The following PRKCB variants were observed in gnomAD, a reference collection of about 807,000 sequenced individuals.
PRKCB encodes protein kinase C beta.
In PRKCB, 13 loss-of-function variants were observed where a neutral mutation model predicts 81.5. The ratio of observed to expected loss-of-function variants is 0.16; its 90% CI spans 0.10 to 0.25. The LOEUF (loss-of-function observed/expected upper bound fraction) is 0.25. Among genes scored for constraint, PRKCB ranks in the 10% least tolerant of loss-of-function variants. PRKCB has a pLI of 1.00. For synonymous variants in PRKCB, 335 were observed against 321.4 expected (o/e 1.04, Z -0.45); for missense variants, 509 against 875.7 (o/e 0.58, Z 5.29).
chr16:24,101,613 G>T (rs1031890529), intron 7 of PRKCB, among the ~76,000 whole-genome samples: 12 of 152,258 alleles, frequency 7.9e-5, no homozygotes, highest in East Asian at 7.7e-4. Context: ...AGTTAGCTTG[G>T]CCTAGGCCCA....
chr16:23,860,450 A>G (rs2141089844), intron 2 of PRKCB, among the ~76,000 whole-genome samples: 1 of 152,320 alleles, frequency 6.6e-6, no homozygotes, highest in African/African-American at 2.4e-5. Context: ...AGTCATGAGA[A>G]GTCAGGGATA....
intron 2 of PRKCB, among the ~76,000 whole-genome samples, chr16:23,857,586 G>T (rs1250598553): frequency 6.6e-6 from 1 of 152,140 alleles, no homozygotes; most frequent in Non-Finnish European, 1.5e-5. Context: ...CCTTCTGGCC[G>T]TCTCTGATTT....
At chr16:23,933,529 T>A (rs1290487885) in intron 2 of PRKCB, among the ~76,000 whole-genome samples, 1 of 152,158 alleles carries the variant, frequency 6.6e-6, no homozygotes, top group African/African-American at 2.4e-5. Context: ...TTGGGGAAGA[T>A]AATATTTTAA....
chr16:23,938,385 A>C (rs1281682488), intron 2 of PRKCB, among the ~76,000 whole-genome samples: 2 of 152,246 alleles, frequency 1.3e-5, no homozygotes, highest in Non-Finnish European at 1.5e-5. Context: ...GATTGAGAGC[A>C]GATCCAAAAT....
At chr16:24,089,770 G>GTC (rs71381637) in intron 5 of PRKCB, among the ~76,000 whole-genome samples, 28 of 149,354 alleles carry the variant, frequency 1.9e-4, no homozygotes, top group East Asian at 7.8e-4. Context: ...GTGAGACCTT[G>GTC]TCTCTCTCTC....
chr16:24,168,817 G>A (rs1967393634), intron 10 of PRKCB, among the ~76,000 whole-genome samples: 1 of 147,838 alleles, frequency 6.8e-6, no homozygotes, highest in Non-Finnish European at 1.5e-5. Context: ...TCTCGGCCCT[G>A]CCAAAGTTCT....
intron 16 of PRKCB, among the ~76,000 whole-genome samples, chr16:24,205,729 A>G (rs1968036829): frequency 6.6e-6 from 1 of 152,208 alleles, no homozygotes; most frequent in Non-Finnish European, 1.5e-5. Context: ...TGGGTTCTAG[A>G]AACGCAGTGG....
chr16:23,913,204 G>A (rs1453510741), intron 2 of PRKCB, among the ~76,000 whole-genome samples: 1 of 152,056 alleles, frequency 6.6e-6, no homozygotes, highest in African/African-American at 2.4e-5. Flanking sequence ...CAGGTGTACC[G>A]AGAGGCAAGA....
chr16:24,055,900 C>A (rs914359043), intron 5 of PRKCB, among the ~76,000 whole-genome samples: 1 of 152,142 alleles, frequency 6.6e-6, no homozygotes, highest in South Asian at 2.1e-4. Flanking sequence ...GTGCCAGACA[C>A]AGTGCTGGGC....
chr16:23,881,965 C>CCTTTCTCT (rs1963115674), intron 2 of PRKCB, among the ~76,000 whole-genome samples: 1 of 70,102 alleles, frequency 1.4e-5, no homozygotes, highest in African/African-American at 4.4e-5. Context: ...TTTTTCTTTT[C>CCTTTCTCT]CTTTCTTTCT....
chr16:24,036,688 T>C (rs1021424056), intron 5 of PRKCB, among the ~76,000 whole-genome samples: 1 of 152,120 alleles, frequency 6.6e-6, no homozygotes. Flanking sequence ...TTTTAGAAAA[T>C]GTGCAATCCA....
chr16:24,207,838 A>G (rs114303965), intron 16 of PRKCB, among the ~76,000 whole-genome samples: 1,870 of 152,292 alleles, frequency 0.012, 33 homozygotes, highest in African/African-American at 0.042. Flanking sequence ...GAAGGAGTGG[A>G]AGGCAAGTGT....
At chr16:24,150,437 A>T (rs1335217413) in intron 9 of PRKCB, among the ~76,000 whole-genome samples, 3 of 152,164 alleles carry the variant, frequency 2.0e-5, no homozygotes, top group African/African-American at 7.2e-5. Context: ...CCTAATTCAA[A>T]TTCTTGGGAG....
intron 2 of PRKCB, among the ~76,000 whole-genome samples, chr16:23,986,000 G>T (rs1396218712): frequency 6.6e-6 from 1 of 152,036 alleles, no homozygotes; most frequent in Non-Finnish European, 1.5e-5. Flanking sequence ...TGGGACAATT[G>T]GTTACCTCTT....
At chr16:24,112,467 G>T (rs1460171045) in intron 7 of PRKCB, among the ~76,000 whole-genome samples, 2 of 152,158 alleles carry the variant, frequency 1.3e-5, no homozygotes, top group African/African-American at 4.8e-5. Context: ...GAACCCAGGA[G>T]CTCGAGGCTT....
intron 9 of PRKCB, among the ~76,000 whole-genome samples, chr16:24,130,247 G>A (rs1323685383): frequency 6.6e-6 from 1 of 152,018 alleles, no homozygotes; most frequent in Non-Finnish European, 1.5e-5. Flanking sequence ...TGCAGTGGAG[G>A]TATACACATT....
chr16:23,867,267 T>C (rs1462010101), intron 2 of PRKCB, among the ~76,000 whole-genome samples: 1 of 151,970 alleles, frequency 6.6e-6, no homozygotes, highest in Non-Finnish European at 1.5e-5. Flanking sequence ...CTGGGATTAC[T>C]GCCACCTCAC....
In PRKCB at chr16:23,927,931, G is replaced by A. The variant is rs143434857; in HGVS notation, c.206-60577G>A. On this transcript the variant is annotated intron_variant, in intron 2 of 16. Transcript: ENST00000643927. Reference sequence around the variant, plus strand: ...GGCTTAGGGCGTGGATCTGGGCTCAGGGTGGAGATCTGAGCCTTAGCTGCA... The same window carrying A: ...GGCTTAGGGCGTGGATCTGGGCTCAAGGTGGAGATCTGAGCCTTAGCTGCA... Among the ~76,000 whole-genome samples the A allele has an allele frequency of 3.2e-3, 483 of 152,054 alleles. 5 individuals are homozygous for A. The highest frequency in any genetic ancestry group is 0.011 in the African/African-American group (468 of 41,532).
At chr16:23,965,762 G>A (rs1001098962) in intron 2 of PRKCB, among the ~76,000 whole-genome samples, 1 of 152,160 alleles carries the variant, frequency 6.6e-6, no homozygotes, top group African/African-American at 2.4e-5. Context: ...AAAGTGCAGC[G>A]CTGATGCCTC....
Sources: gnomAD v4.1 joint callset for allele counts (sites outside exome capture counted in the v4.1 genomes callset) on GRCh38, gnomAD v4.1.1 for gene constraint, MANE v1.5 for transcripts, NCBI Gene and HGNC (gene_info 2026-07-23, HGNC 2026-07-21) for gene names.